L3MBTL4: variants seen among roughly 807,000 people sequenced by gnomAD.
L3MBTL4 encodes the protein lethal(3)malignant brain tumor-like protein 4.
L3MBTL4 carries 70 observed loss-of-function variants against 84.5 expected under a neutral mutation model. The ratio of observed to expected loss-of-function variants is 0.83; its 90% CI spans 0.68 to 1.01. L3MBTL4 has a LOEUF of 1.01. Ranked by LOEUF, L3MBTL4 falls within the 50% of genes least tolerant of loss-of-function variation. The probability of loss-of-function intolerance (pLI) is 0.00; values close to 1 mark genes in which losing one functional copy is unlikely to be tolerated. For missense variants in L3MBTL4, 715 were observed against 754.8 expected (o/e 0.95, Z 0.62); for synonymous variants, 274 against 259.8 (o/e 1.05, Z -0.52).
chr18:5,987,297 G>T (rs1268003372), intron 16 of L3MBTL4, among the ~76,000 whole-genome samples: 1 of 152,250 alleles, frequency 6.6e-6, no homozygotes, highest in East Asian at 1.9e-4. Flanking sequence ...CTTCTAAAAT[G>T]TGTTTATTTC....
intron 14 of L3MBTL4, among the ~76,000 whole-genome samples, chr18:6,124,084 GA>G (rs1282283097): frequency 1.3e-5 from 2 of 152,186 alleles, no homozygotes; most frequent in African/African-American, 4.8e-5. Context: ...GTCACCACAT[GA>G]AAACATCTCA....
At chr18:6,291,365 A>C (rs2049857806) in intron 4 of L3MBTL4, among the ~76,000 whole-genome samples, 2 of 152,276 alleles carry the variant, frequency 1.3e-5, no homozygotes, top group South Asian at 4.1e-4. Flanking sequence ...AACCCAGTCA[A>C]CCACAAAAGA....
intron 4 of L3MBTL4, among the ~76,000 whole-genome samples, chr18:6,278,165 C>T (rs926914831): frequency 2.0e-5 from 3 of 151,950 alleles, no homozygotes; most frequent in Non-Finnish European, 2.9e-5. Context: ...GTGGTATCCC[C>T]GGCTGTTTCC....
chr18:6,205,840 A>C (rs2045853209), intron 12 of L3MBTL4, among the ~76,000 whole-genome samples: 1 of 152,252 alleles, frequency 6.6e-6, no homozygotes, highest in Non-Finnish European at 1.5e-5. Context: ...TGGCATAATT[A>C]GCTAAGTATC....
chr18:6,295,399 C>T (rs1402389614), intron 4 of L3MBTL4, among the ~76,000 whole-genome samples: 1 of 136,328 alleles, frequency 7.3e-6, no homozygotes, highest in African/African-American at 2.8e-5. Flanking sequence ...AAGCACTTGG[C>T]CTATCTTTGT....
At chr18:6,079,555 G>T (rs1370795529) in intron 16 of L3MBTL4, among the ~76,000 whole-genome samples, 1 of 152,172 alleles carries the variant, frequency 6.6e-6, no homozygotes, top group Non-Finnish European at 1.5e-5. Flanking sequence ...AATGCATTTT[G>T]CTATGACATT....
chr18:6,389,945 T>C (rs910368829), intron 1 of L3MBTL4, among the ~76,000 whole-genome samples: 17 of 152,094 alleles, frequency 1.1e-4, no homozygotes, highest in Admixed American at 2.6e-4. Flanking sequence ...CTAGAACAAA[T>C]GGACTTAACT....
intron 18 of L3MBTL4, among the ~76,000 whole-genome samples, chr18:5,958,174 A>C (rs36059726): frequency 0.015 from 2,184 of 141,500 alleles, 107 homozygotes; most frequent in African/African-American, 0.058. Context: ...AAGAAGAAGA[A>C]GACGACGAAG....
intron 1 of L3MBTL4, among the ~76,000 whole-genome samples, chr18:6,347,048 C>T (rs954166543): frequency 1.2e-4 from 19 of 152,048 alleles, no homozygotes; most frequent in Admixed American, 7.9e-4. Context: ...ATCCAGAGGG[C>T]ATTACATAAA....
rs370314372 is a variant in L3MBTL4, at chr18:6,169,823, TATAATA to T, written c.1096+1999_1096+2004del. ...TGCACATCTACCCTAAAACTTAAAGTATAATAATAATAATAATAATAAAAGAAAAAT... is the reference window on the plus strand; with the variant it reads ...TGCACATCTACCCTAAAACTTAAAGTATAATAATAATAATAAAAGAAAAAT... On this transcript the variant is annotated intron_variant, in intron 13 of 18. Coordinates refer to ENST00000317931, the MANE Select transcript of L3MBTL4 (RefSeq NM_001330559.2). Among the ~76,000 whole-genome samples, 269 of 150,814 alleles carry T rather than the reference TATAATA, an allele frequency of 1.8e-3. 1 individual carries two copies. The highest frequency in any genetic ancestry group is 0.011 in the Middle Eastern group (3 of 284).
At chr18:6,102,301 C>G (rs2058859208) in intron 14 of L3MBTL4, among the ~76,000 whole-genome samples, 1 of 152,174 alleles carries the variant, frequency 6.6e-6, no homozygotes, top group African/African-American at 2.4e-5. Flanking sequence ...GCTTAGACAT[C>G]TAGCGAAAAG....
intron 18 of L3MBTL4, among the ~76,000 whole-genome samples, chr18:5,957,452 G>A (rs1197681267): frequency 6.6e-6 from 1 of 151,998 alleles, no homozygotes; most frequent in Non-Finnish European, 1.5e-5. Context: ...CAGGATGGCA[G>A]TGGCCACCGT....
intron 10 of L3MBTL4, among the ~76,000 whole-genome samples, chr18:6,228,659 GCAAAA>G (rs1421101641): frequency 6.6e-6 from 1 of 152,028 alleles, no homozygotes; most frequent in Non-Finnish European, 1.5e-5. Flanking sequence ...TAGGGAAATG[GCAAAA>G]CAAAACCACA....
intron 4 of L3MBTL4, among the ~76,000 whole-genome samples, chr18:6,278,960 C>A (rs747344118): frequency 1.3e-4 from 20 of 151,398 alleles, no homozygotes; most frequent in Non-Finnish European, 2.4e-4. Context: ...TTCTGGCCTA[C>A]AAGAATGGGT....
intron 1 of L3MBTL4, among the ~76,000 whole-genome samples, chr18:6,364,597 A>T (rs1389386441): frequency 2.6e-5 from 4 of 152,134 alleles, no homozygotes; most frequent in African/African-American, 9.6e-5. Context: ...TTTTTTCATC[A>T]TTAAATAAAC....
intron 1 of L3MBTL4, among the ~76,000 whole-genome samples, chr18:6,404,335 T>C (rs1426673698): frequency 6.6e-6 from 1 of 152,170 alleles, no homozygotes; most frequent in African/African-American, 2.4e-5. Context: ...TCCATATTAG[T>C]TTCAACAAAC....
intron 13 of L3MBTL4, among the ~76,000 whole-genome samples, chr18:6,145,793 CGCT>C (rs1346298712): frequency 1.3e-5 from 2 of 152,122 alleles, no homozygotes; most frequent in Non-Finnish European, 2.9e-5. Context: ...GTTTATTAGA[CGCT>C]GCTGTTCCCT....
intron 1 of L3MBTL4, among the ~76,000 whole-genome samples, chr18:6,343,723 T>C (rs1046558485): frequency 1.3e-5 from 2 of 148,690 alleles, no homozygotes; most frequent in Non-Finnish European, 3.0e-5. Context: ...CACAATGGTA[T>C]GAAACTAAAA....
chr18:6,238,846 G>A (rs2047329512), intron 9 of L3MBTL4, among the ~76,000 whole-genome samples: 1 of 152,050 alleles, frequency 6.6e-6, no homozygotes, highest in Admixed American at 6.5e-5. Flanking sequence ...GGACATATGT[G>A]GAGGGACATA....
Sources: gnomAD v4.1 joint callset for allele counts (sites outside exome capture counted in the v4.1 genomes callset) on GRCh38, gnomAD v4.1.1 for gene constraint, MANE v1.5 for transcripts, NCBI Gene and HGNC (gene_info 2026-07-23, HGNC 2026-07-21) for gene names.